The following ELF1 variants were observed in gnomAD, a reference collection of about 807,000 sequenced individuals.
ELF1 encodes the protein E74 like ETS transcription factor 1.
In ELF1, 24 loss-of-function variants were observed where a neutral mutation model predicts 59.9. The observed-to-expected ratio is 0.40, with a 90% confidence interval of 0.29 to 0.56. The LOEUF is 0.56. Among genes scored for constraint, ELF1 ranks in the 20% least tolerant of loss-of-function variants. ELF1 has a pLI of 0.44. For missense variants in ELF1, 627 were observed against 742.2 expected (o/e 0.84, Z 1.80); for synonymous variants, 248 against 266.2 (o/e 0.93, Z 0.67).
chr13:41,019,986 T>C (rs1875625000), upstream of ELF1, among the ~76,000 whole-genome samples: 2 of 152,262 alleles, frequency 1.3e-5, no homozygotes, highest in Admixed American at 6.5e-5. Context: ...GCAAGCTTGA[T>C]AAAACCCTTT....
intron 1 of ELF1, among the ~76,000 whole-genome samples, chr13:41,031,167 AAAAG>A (rs535088480): frequency 0.013 from 2,048 of 151,708 alleles, 45 homozygotes; most frequent in African/African-American, 0.046. Context: ...AAAAAAAAAA[AAAAG>A]AAAGAAAGAA....
intron 2 of ELF1, among the ~76,000 whole-genome samples, chr13:40,959,599 A>C (rs1352388990): frequency 6.6e-6 from 1 of 152,220 alleles, no homozygotes; most frequent in Non-Finnish European, 1.5e-5. Context: ...AAATCTCAAT[A>C]AAAGTTTTTT....
chr13:41,052,385 T>G (rs1416893018), intron 1 of ELF1, among the ~76,000 whole-genome samples: 2 of 152,356 alleles, frequency 1.3e-5, no homozygotes, highest in East Asian at 3.9e-4. Context: ...TCTTAAGTGC[T>G]GGTGAAATGT....
intron 1 of ELF1, among the ~76,000 whole-genome samples, chr13:41,005,238 T>C (rs1330001201): frequency 6.6e-6 from 1 of 152,108 alleles, no homozygotes; most frequent in African/African-American, 2.4e-5. Flanking sequence ...AGATTCAATA[T>C]GCACGCAAAG....
chr13:41,055,448 T>C (rs974710221), intron 1 of ELF1, among the ~76,000 whole-genome samples: 1 of 151,410 alleles, frequency 6.6e-6, no homozygotes, highest in Admixed American at 6.6e-5. Context: ...GAATGCTGCC[T>C]CCTACAGGAG....
At chr13:41,019,988 A>T (rs1875625129), upstream of ELF1, among the ~76,000 whole-genome samples, 1 of 152,254 alleles carries the variant, frequency 6.6e-6, no homozygotes, top group South Asian at 2.1e-4. Context: ...AAGCTTGATA[A>T]AACCCTTTTA....
chr13:40,992,184 T>C (rs981593535), intron 1 of ELF1, among the ~76,000 whole-genome samples: 2 of 152,186 alleles, frequency 1.3e-5, no homozygotes, highest in Admixed American at 1.3e-4. Context: ...GATGAGAAAA[T>C]GAACTCAGAG....
At chr13:40,942,682 G>A (rs1215361068) in intron 7 of ELF1, among the ~76,000 whole-genome samples, 2 of 151,996 alleles carry the variant, frequency 1.3e-5, no homozygotes, top group Non-Finnish European at 2.9e-5. Flanking sequence ...CACCACGCCT[G>A]GCTAATTTTT....
intron 1 of ELF1, among the ~76,000 whole-genome samples, chr13:40,991,344 G>A (rs1873842814): frequency 6.6e-6 from 1 of 152,056 alleles, no homozygotes; most frequent in African/African-American, 2.4e-5. Context: ...GGTCTGTAAG[G>A]GACCTTTCTA....
chr13:40,957,864 T>TTAC (rs948148606), intron 3 of ELF1, among the ~76,000 whole-genome samples: 1 of 152,202 alleles, frequency 6.6e-6, no homozygotes, highest in African/African-American at 2.4e-5. Flanking sequence ...ATTTAAAACA[T>TTAC]TACTGTATCA....
chr13:41,010,453 C>T (rs1874992182), intron 1 of ELF1, among the ~76,000 whole-genome samples: 1 of 120,348 alleles, frequency 8.3e-6, no homozygotes, highest in Non-Finnish European at 1.7e-5. Flanking sequence ...CCCTATCTCC[C>T]CCCCACCCCC....
chr13:40,953,844 T>C (rs560744729), intron 3 of ELF1, among the ~76,000 whole-genome samples: 1 of 152,316 alleles, frequency 6.6e-6, no homozygotes, highest in South Asian at 2.1e-4. Flanking sequence ...CTTTGGTAAG[T>C]TGGGAGGTAA....
intron 1 of ELF1, among the ~76,000 whole-genome samples, chr13:41,009,297 A>G (rs1008172549): frequency 2.0e-5 from 3 of 152,102 alleles, no homozygotes; most frequent in Admixed American, 2.0e-4. Flanking sequence ...AAAAAAAAGT[A>G]TAAGGTTTGA....
chr13:41,042,141 G>A (rs1277280545), intron 1 of ELF1, among the ~76,000 whole-genome samples: 2 of 152,096 alleles, frequency 1.3e-5, no homozygotes, highest in Non-Finnish European at 2.9e-5. Context: ...TCCTACCTGA[G>A]CCTCCTGAGT....
intron 1 of ELF1, among the ~76,000 whole-genome samples, chr13:41,001,974 A>G (rs1270676016): frequency 6.6e-6 from 1 of 152,184 alleles, no homozygotes; most frequent in African/African-American, 2.4e-5. Flanking sequence ...CCTAGTTACA[A>G]TCCAACCCCT....
chr13:41,057,704 T>C (rs1214370119), intron 1 of ELF1, among the ~76,000 whole-genome samples: 2 of 152,166 alleles, frequency 1.3e-5, no homozygotes, highest in African/African-American at 2.4e-5. Context: ...CACCTAACAG[T>C]AGCAAATATT....
chr13:40,972,085 G>T (rs183905813), intron 2 of ELF1, among the ~76,000 whole-genome samples: 4 of 152,084 alleles, frequency 2.6e-5, no homozygotes, highest in East Asian at 3.9e-4. Flanking sequence ...ATAACTCAAA[G>T]AATTTTAAAA....
chr13:41,031,748 G>A (rs1048457513), intron 1 of ELF1, among the ~76,000 whole-genome samples: 1 of 150,102 alleles, frequency 6.7e-6, no homozygotes, highest in East Asian at 1.9e-4. Flanking sequence ...GAACCCGGGA[G>A]GCAGAGGTTG....
chr13:40,956,669 G>C (rs981402309), intron 3 of ELF1, among the ~76,000 whole-genome samples: 1 of 149,852 alleles, frequency 6.7e-6, no homozygotes, highest in Non-Finnish European at 1.5e-5. Context: ...GGTTTACATC[G>C]TCTCTATTAC....
Sources: gnomAD v4.1 joint callset for allele counts (sites outside exome capture counted in the v4.1 genomes callset) on GRCh38, gnomAD v4.1.1 for gene constraint, MANE v1.5 for transcripts, NCBI Gene and HGNC (gene_info 2026-07-23, HGNC 2026-07-21) for gene names.